The following TMEM132C variants were observed in gnomAD, a reference collection of about 807,000 sequenced individuals.
The protein encoded by TMEM132C is transmembrane protein 132C.
Under a neutral mutation model 61.4 loss-of-function variants are expected in TMEM132C, and 29 were observed. The observed-to-expected ratio is 0.47, with a 90% CI of 0.35 to 0.64. The LOEUF (loss-of-function observed/expected upper bound fraction) is 0.64, where lower values mean the gene tolerates loss of function less well. Ranked by LOEUF, TMEM132C falls within the 30% of genes least tolerant of loss-of-function variation. The pLI, the probability that TMEM132C is intolerant of heterozygous loss-of-function variation, is 0.00. For synonymous variants in TMEM132C, 656 were observed against 633.1 expected, an observed-to-expected ratio of 1.04 and a Z score of -0.54; for missense variants, 1,408 against 1,476.9, an observed-to-expected ratio of 0.95 and a Z score of 0.76.
At chr12:128,340,658 G>A (rs772545442) in intron 1 of TMEM132C, among the ~76,000 whole-genome samples, 2 of 152,072 alleles carry the variant, frequency 1.3e-5, no homozygotes, top group Non-Finnish European at 2.9e-5. Flanking sequence ...TTTGGGGAAT[G>A]ATACTGCTCA....
At chr12:128,450,058 A>C (rs974958083) in intron 2 of TMEM132C, among the ~76,000 whole-genome samples, 48 of 152,326 alleles carry the variant, frequency 3.2e-4, no homozygotes, top group African/African-American at 1.1e-3. Context: ...AAAGGAAGGC[A>C]CTGTGCTTTC....
In TMEM132C at chr12:128,326,742, C is replaced by T. The variant is rs1201115231; in HGVS notation, c.85+59255C>T. On this transcript the variant is annotated intron_variant, in intron 1 of 8. Coordinates refer to ENST00000435159, the MANE Select transcript of TMEM132C (RefSeq NM_001136103.3). This position sits in a 1 kb window ranked among gnomAD's most constrained non-coding sequence, Gnocchi z 5.6. ...TGGAAGGTAAGAGGCAGAGAAGTTTCGAGATTCATCAGATGTCTTTATGGC... is the reference window on the plus strand; with the variant it reads ...TGGAAGGTAAGAGGCAGAGAAGTTTTGAGATTCATCAGATGTCTTTATGGC... Among the ~76,000 whole-genome samples the T allele has an allele frequency of 5.9e-5, 9 of 152,002 alleles. No individual in the cohort carries two copies. The highest frequency in any genetic ancestry group is 1.2e-4 in the Non-Finnish European group (8 of 68,030).
At chr12:128,665,593 A>G (rs1954453176) in intron 4 of TMEM132C, among the ~76,000 whole-genome samples, 1 of 149,368 alleles carries the variant, frequency 6.7e-6, no homozygotes, top group Non-Finnish European at 1.5e-5. Context: ...CCATATGCAC[A>G]CAGGCACTCA....
At chr12:128,651,859 G>A (rs1480114501) in intron 4 of TMEM132C, among the ~76,000 whole-genome samples, 1 of 145,488 alleles carries the variant, frequency 6.9e-6, no homozygotes, top group African/African-American at 2.6e-5. Context: ...TGGAGTGGAG[G>A]AGAAGCAGGG....
intron 3 of TMEM132C, among the ~76,000 whole-genome samples, chr12:128,582,173 G>A (rs992923054): frequency 1.3e-5 from 2 of 152,154 alleles, no homozygotes; most frequent in Non-Finnish European, 2.9e-5. Flanking sequence ...ATAACCCAAT[G>A]GAAAATAGGC....
chr12:128,666,089 A>ACACG (rs1254656113), intron 4 of TMEM132C, among the ~76,000 whole-genome samples: 3 of 146,380 alleles, frequency 2.0e-5, no homozygotes, highest in African/African-American at 7.8e-5. Flanking sequence ...GCACACACAC[A>ACACG]CAGGCACACA....
intron 1 of TMEM132C, among the ~76,000 whole-genome samples, chr12:128,338,409 C>T (rs1011921625): frequency 6.6e-6 from 1 of 152,158 alleles, no homozygotes; most frequent in Non-Finnish European, 1.5e-5. Context: ...GGCATGTGCT[C>T]CTTCCTTGGC....
rs560705173 is a variant in TMEM132C, at chr12:128,629,126, C to T, written c.1305+12791C>T. On this transcript the variant is annotated intron_variant, in intron 4 of 8. Coordinates refer to ENST00000435159, the MANE Select transcript of TMEM132C (RefSeq NM_001136103.3). The stretch of plus-strand genomic sequence containing the variant: ...TTACAAACATCATGCACACTGGGAC[C>T]TGCTTTACATCATCATCCATTCATT... Among the ~76,000 whole-genome samples the T allele has an allele frequency of 5.9e-5, 9 of 152,312 alleles. No homozygotes were observed. In the East Asian group the frequency reaches 1.7e-3, roughly 29 times the overall value.
intron 1 of TMEM132C, among the ~76,000 whole-genome samples, chr12:128,358,176 G>C (rs1322362167): frequency 6.6e-6 from 1 of 152,240 alleles, no homozygotes; most frequent in East Asian, 1.9e-4. Flanking sequence ...AGTTTCACAG[G>C]GAGTGGAGAA....
At chr12:128,642,561 A>G (rs1954165777) in intron 4 of TMEM132C, among the ~76,000 whole-genome samples, 1 of 152,034 alleles carries the variant, frequency 6.6e-6, no homozygotes. Context: ...CCTGGTTGTT[A>G]AAGAGTCTGA....
chr12:128,474,999 C>A (rs534067310), intron 2 of TMEM132C, among the ~76,000 whole-genome samples: 15 of 152,128 alleles, frequency 9.9e-5, no homozygotes, highest in Admixed American at 3.9e-4. Flanking sequence ...GACTTCTCCC[C>A]GCAGAGCACA....
rs1487506091 is a variant in TMEM132C, at chr12:128,278,758, G to A, written c.85+11271G>A. Among the ~76,000 whole-genome samples the A allele has an allele frequency of 6.6e-6, 1 of 151,130 alleles. No individual in the cohort carries two copies. On this transcript the variant is annotated intron_variant, in intron 1 of 8. Coordinates refer to ENST00000435159, the MANE Select transcript of TMEM132C (RefSeq NM_001136103.3). This position sits in a 1 kb window ranked among gnomAD's most constrained non-coding sequence, Gnocchi z 4.2. ...CTTGATTCTATACGTGTATGTGTGT[G>A]TGTGTGTGTGTGTGTGTGTGTGTGT...
At chr12:128,287,028 A>G (rs1264735619) in intron 1 of TMEM132C, among the ~76,000 whole-genome samples, 1 of 152,218 alleles carries the variant, frequency 6.6e-6, no homozygotes, top group East Asian at 1.9e-4. Flanking sequence ...ACTACTTGTG[A>G]TCATGTCTGT....
intron 1 of TMEM132C, among the ~76,000 whole-genome samples, chr12:128,287,459 TTCTC>T (rs1279049803): frequency 6.6e-6 from 1 of 151,518 alleles, no homozygotes; most frequent in African/African-American, 2.4e-5. Flanking sequence ...GTCTGAATGT[TTCTC>T]TCTCTCTCCC....
At chr12:128,390,666 G>A (rs1186352143) in intron 1 of TMEM132C, among the ~76,000 whole-genome samples, 2 of 152,166 alleles carry the variant, frequency 1.3e-5, no homozygotes, top group East Asian at 1.9e-4. Flanking sequence ...TAGGAGAGGG[G>A]ACATTATTCT....
chr12:128,347,026 C>A (rs1873179204), intron 1 of TMEM132C, among the ~76,000 whole-genome samples: 1 of 152,128 alleles, frequency 6.6e-6, no homozygotes, highest in Non-Finnish European at 1.5e-5. Flanking sequence ...GCACTGGTCA[C>A]CCGAGCAGTG....
intron 5 of TMEM132C, among the ~76,000 whole-genome samples, chr12:128,679,356 C>G (rs1194432281): frequency 1.3e-5 from 2 of 152,222 alleles, no homozygotes; most frequent in Non-Finnish European, 2.9e-5. Context: ...AACTTAACAA[C>G]AGCAAGCACT....
intron 2 of TMEM132C, among the ~76,000 whole-genome samples, chr12:128,512,122 T>A (rs1872585645): frequency 6.6e-6 from 1 of 152,010 alleles, no homozygotes; most frequent in Non-Finnish European, 1.5e-5. Context: ...ATGTCATTAT[T>A]CCTTAGAAAG....
At position 128,630,105 on chromosome 12, in the gene TMEM132C, G is replaced by A. The variant is rs769523395; in HGVS notation, c.1305+13770G>A. Among the ~76,000 whole-genome samples, 2 of 152,102 alleles carry A rather than the reference G, an allele frequency of 1.3e-5. No homozygotes were observed. Among genetic ancestry groups the A allele is most frequent in the Admixed American group, 6.6e-5 (1 of 15,266 alleles). On this transcript the variant is annotated intron_variant, in intron 4 of 8. Transcript: ENST00000435159. The surrounding 1 kb of genome is among the most constrained non-coding windows in gnomAD (Gnocchi z 4.3). Reference sequence around the variant, plus strand: ...CTGTGTTTCAGGGGTCTTTGAACTTGAGCAGGGACAGCATGGCCTTGGGGA... The same window carrying A: ...CTGTGTTTCAGGGGTCTTTGAACTTAAGCAGGGACAGCATGGCCTTGGGGA...
Sources: gnomAD v4.1 joint callset for allele counts (sites outside exome capture counted in the v4.1 genomes callset) on GRCh38, gnomAD v4.1.1 for gene constraint, Gnocchi (gnomAD v3.1) non-coding constraint, MANE v1.5 for transcripts, NCBI Gene and HGNC (gene_info 2026-07-23, HGNC 2026-07-21) for gene names.